The following USP49 variants were observed in gnomAD, a reference collection of about 807,000 sequenced individuals.
The protein encoded by USP49 is ubiquitin specific peptidase 49.
In USP49, 24 loss-of-function variants were observed where a neutral mutation model predicts 58.6. The observed-to-expected ratio is 0.41, with a 90% confidence interval of 0.30 to 0.58. USP49 has a LOEUF of 0.58. Ranked by LOEUF, USP49 falls within the 20% of genes least tolerant of loss-of-function variation. The pLI is 0.30. For synonymous variants in USP49, 408 were observed against 365.1 expected (o/e 1.12, Z -1.34); for missense variants, 703 against 866.1 (o/e 0.81, Z 2.36).
intron 3 of USP49, among the ~76,000 whole-genome samples, chr6:41,858,699 T>G (rs1269311916): frequency 2.6e-5 from 4 of 152,166 alleles, no homozygotes; most frequent in Non-Finnish European, 4.4e-5. Flanking sequence ...CTACATGGCT[T>G]GCCATCCTCA....
intron 4 of USP49, among the ~76,000 whole-genome samples, chr6:41,804,690 A>G (rs903273003): frequency 5.3e-5 from 8 of 152,188 alleles, no homozygotes; most frequent in Non-Finnish European, 1.0e-4. Context: ...CATAGTGTAG[A>G]GGTTTTACCT....
At chr6:41,881,261 A>G (rs2127363173) in intron 2 of USP49, among the ~76,000 whole-genome samples, 1 of 138,914 alleles carries the variant, frequency 7.2e-6, no homozygotes, top group East Asian at 2.2e-4. Context: ...GCATAAGCCT[A>G]CTGTTCAGAA....
rs926138064 is a variant in USP49 at position 41,859,474 on chromosome 6, C to T, written c.-29+12090G>A. Among the ~76,000 whole-genome samples, 5 of 152,154 alleles carry T rather than the reference C, an allele frequency of 3.3e-5. No homozygotes were observed. In the East Asian group the frequency reaches 9.6e-4, roughly 29 times the overall value. On this transcript the variant is annotated intron_variant, in intron 3 of 7. Coordinates refer to ENST00000682992, the MANE Select transcript of USP49 (RefSeq NM_001286554.2). The stretch of plus-strand genomic sequence containing the variant: ...TTAAGCATACCTTCTATGTGCTCTC[C>T]GAGCACGTGTGTACTTTCCCTTATT...
intron 5 of USP49, among the ~76,000 whole-genome samples, chr6:41,802,456 A>ATTTTTTTTTTTTTTT (rs1186521851): frequency 1.0e-4 from 7 of 70,280 alleles, no homozygotes; most frequent in South Asian, 4.0e-4. Flanking sequence ...TTATTTATTT[A>ATTTTTTTTTTTTTTT]TTTATTTATT....
chr6:41,841,614 T>C (rs990656735), intron 3 of USP49, among the ~76,000 whole-genome samples: 1 of 152,228 alleles, frequency 6.6e-6, no homozygotes, highest in African/African-American at 2.4e-5. Context: ...GGGAAGTTCA[T>C]TTTTTATTGT....
intron 3 of USP49, among the ~76,000 whole-genome samples, chr6:41,856,362 G>C (rs527641324): frequency 6.7e-6 from 1 of 149,766 alleles, no homozygotes; most frequent in African/African-American, 2.5e-5. Context: ...GCGACAGAGC[G>C]AGACCCCGTC....
At chr6:41,877,594 G>A (rs535961137) in intron 2 of USP49, among the ~76,000 whole-genome samples, 156 of 143,984 alleles carry the variant, frequency 1.1e-3, no homozygotes, top group Non-Finnish European at 1.9e-3. Flanking sequence ...AGACAGTCTC[G>A]CTCTGTTGCC....
At chr6:41,840,996 T>C (rs918020971) in intron 3 of USP49, among the ~76,000 whole-genome samples, 3 of 150,532 alleles carry the variant, frequency 2.0e-5, no homozygotes, top group Non-Finnish European at 4.4e-5. Context: ...CAGAGCAAGA[T>C]CCTTGTAGAC....
chr6:41,887,247 T>A (rs1774728372), intron 2 of USP49: 1 of 152,210 alleles, frequency 6.6e-6, no homozygotes, highest in Non-Finnish European at 1.5e-5. Context: ...GATACAAGCA[T>A]CATACAAAAG....
chr6:41,804,957 A>G (rs1227144095), intron 4 of USP49, among the ~76,000 whole-genome samples: 1 of 152,254 alleles, frequency 6.6e-6, no homozygotes, highest in Admixed American at 6.5e-5. Context: ...CATGTTGGCC[A>G]GGCTGGTCTC....
intron 3 of USP49, among the ~76,000 whole-genome samples, chr6:41,834,184 T>C (rs1773685982): frequency 1.3e-5 from 2 of 152,350 alleles, no homozygotes; most frequent in South Asian, 2.1e-4. Context: ...GTCTGACCTA[T>C]GATTCTCTAG....
Position 41,853,999 on chromosome 6 carries a change from C to CAAAAAAAAAAA in USP49, c.-29+17564_-29+17565insTTTTTTTTTTT, listed in dbSNP as rs752353657. ...GGGCAACAACAGCGAGACTCTGTCTCGAAAAAAAAAAAAAAAAAAAAAAAG... is the reference window on the plus strand; with the variant it reads ...GGGCAACAACAGCGAGACTCTGTCTCAAAAAAAAAAAGAAAAAAAAAAAAAAAAAAAAAAAG... On this transcript the variant is annotated intron_variant, in intron 3 of 7. Coordinates refer to ENST00000682992, the MANE Select transcript of USP49 (RefSeq NM_001286554.2). 3.4e-5 allele frequency among the ~76,000 whole-genome samples: 2 copies of CAAAAAAAAAAA among 58,864 alleles called. 1 individual carries two copies. The allele number at this position is 58,864 out of a possible 152,430, so 38.6% of individuals were successfully genotyped here. A position where few individuals can be genotyped will look rare whatever the true frequency, so the allele number is the denominator to read the frequency against.
intron 3 of USP49, among the ~76,000 whole-genome samples, chr6:41,849,745 T>C (rs1773988477): frequency 6.6e-6 from 1 of 151,924 alleles, no homozygotes; most frequent in Non-Finnish European, 1.5e-5. Context: ...GTAGCTGGGA[T>C]TACAGGCACG....
At chr6:41,861,069 A>G (rs1383357840) in intron 3 of USP49, among the ~76,000 whole-genome samples, 1 of 151,684 alleles carries the variant, frequency 6.6e-6, no homozygotes, top group African/African-American at 2.4e-5. Context: ...TGGAGGTTGC[A>G]GTGAGCTGAG....
intron 7 of USP49, among the ~76,000 whole-genome samples, chr6:41,797,010 T>TGG: frequency 7.1e-6 from 1 of 141,098 alleles, no homozygotes; most frequent in Non-Finnish European, 1.5e-5. Context: ...AGTGCAGTGG[T>TGG]GGGTTCTCGG....
rs904919273 is a variant in USP49, at chr6:41,871,633, A to G, written c.-98T>C. On this transcript the variant is annotated 5_prime_UTR_variant, in exon 3 of 8. Coordinates refer to ENST00000682992, the MANE Select transcript of USP49 (RefSeq NM_001286554.2). Reference sequence around the variant, plus strand: ...TCATTGGTTAGGTTTCCTCTTCTCTATTACCTACAAGTGGGAAACAATCTG... The same window carrying G: ...TCATTGGTTAGGTTTCCTCTTCTCTGTTACCTACAAGTGGGAAACAATCTG... The G allele has an allele frequency of 6.6e-6, 1 of 152,164 alleles. No homozygotes were observed. Among genetic ancestry groups the G allele is most frequent in the Non-Finnish European group, 1.5e-5 (1 of 68,042 alleles). The allele number at this position is 152,164 out of a possible 1,614,324, so 9.4% of individuals were successfully genotyped here.
chr6:41,797,525 A>T, intron 7 of USP49: 2 of 624,416 alleles, frequency 3.2e-6, no homozygotes, highest in Non-Finnish European at 4.0e-6. Flanking sequence ...CCCATCAGTC[A>T]GTGCAGTAGC....
rs1311121701 is a variant in USP49 at position 41,805,715 on chromosome 6, C to T, written c.1269G>A (p.Arg423=). The T allele has an allele frequency of 6.2e-7, 1 of 1,614,092 alleles. No homozygotes were observed. Among genetic ancestry groups the T allele is most frequent in the Non-Finnish European group, 8.5e-7 (1 of 1,179,990 alleles). ...QELESEGTTR[R]ILIPFSQRKL... The stretch of plus-strand genomic sequence containing the variant: ...TCCTCTGGGAGAAGGGGATGAGGAT[C>T]CGGCGTGTGGTGCCCTCAGACTCGA... The change falls in exon 4 of 8, where the codon CGG becomes CGA. Residue 423 remains arginine, a synonymous_variant. Transcript: ENST00000682992.
In USP49 at chr6:41,796,145, G is replaced by C. The variant is rs1423612403; in HGVS notation, c.*388C>G. 4 of 192,628 alleles carry C rather than the reference G, an allele frequency of 2.1e-5. No homozygotes were observed. In the Admixed American group the frequency reaches 2.1e-4, roughly 10 times the overall value. The allele number at this position is 192,628 out of a possible 1,614,324, so 11.9% of individuals were successfully genotyped here. A position where few individuals can be genotyped will look rare whatever the true frequency, so the allele number is the denominator to read the frequency against. ...GTCCAGGACTGCTCACATCCGGAGG[G>C]TTCTTCTGGTGCTGCAAGGAGGTCC... On this transcript the variant is annotated 3_prime_UTR_variant, in exon 8 of 8. Transcript: ENST00000682992.
Sources: allele counts gnomAD v4.1 joint callset (sites outside exome capture counted in the v4.1 genomes callset), GRCh38; gene constraint gnomAD v4.1.1; transcripts MANE v1.5; gene names NCBI Gene and HGNC (gene_info 2026-07-23, HGNC 2026-07-21).